The following ZNF804B variants were observed in gnomAD, a reference collection of about 807,000 sequenced individuals.
ZNF804B encodes the protein zinc finger 804B.
Under a neutral mutation model 101.4 loss-of-function variants are expected in ZNF804B, and 80 were observed. The observed-to-expected ratio is 0.79, with a 90% confidence interval of 0.66 to 0.95. The LOEUF (loss-of-function observed/expected upper bound fraction) is 0.95, where lower values mean the gene tolerates loss of function less well. ZNF804B is among the 40% of genes least tolerant of loss of function. The probability of loss-of-function intolerance (pLI) is 0.00; values close to 1 mark genes in which losing one functional copy is unlikely to be tolerated. For missense variants in ZNF804B, 1,673 were observed against 1,561.9 expected (o/e 1.07, Z -1.20); for synonymous variants, 622 against 558.8 (o/e 1.11, Z -1.59).
intron 1 of ZNF804B, among the ~76,000 whole-genome samples, chr7:88,764,600 G>A (rs918174476): frequency 6.6e-6 from 1 of 152,148 alleles, no homozygotes; most frequent in African/African-American, 2.4e-5. Flanking sequence ...AGTTCTAGAA[G>A]AGATGAACTA....
At chr7:89,027,302 A>G (rs907370848) in intron 1 of ZNF804B, among the ~76,000 whole-genome samples, 2 of 152,138 alleles carry the variant, frequency 1.3e-5, no homozygotes, top group African/African-American at 4.8e-5. Flanking sequence ...TAAAAATAAG[A>G]GTCCTTAAAG....
At chr7:89,035,193 C>T (rs2116237904) in intron 1 of ZNF804B, among the ~76,000 whole-genome samples, 1 of 151,906 alleles carries the variant, frequency 6.6e-6, no homozygotes, top group East Asian at 1.9e-4. Flanking sequence ...TTGAAAAGAC[C>T]CACCTGCTGA....
Position 88,842,014 on chromosome 7 carries a change from C to A in ZNF804B, c.108+81930C>A, listed in dbSNP as rs530742433. Among the ~76,000 whole-genome samples the A allele has an allele frequency of 1.3e-4, 20 of 152,298 alleles. No homozygotes were observed. The South Asian group carries it at 3.9e-3, about 30-fold the overall frequency. ...TTCACTGATTGAGATATGTCATAAT[C>A]TCAGCTATGCTCTGCTTTCTGATTG... is the stretch of plus-strand genomic sequence containing the variant. On this transcript the variant is annotated intron_variant, in intron 1 of 3. Transcript: ENST00000333190.
At chr7:89,076,924 A>G (rs990940064) in intron 1 of ZNF804B, among the ~76,000 whole-genome samples, 6 of 152,164 alleles carry the variant, frequency 3.9e-5, no homozygotes, top group Admixed American at 2.6e-4. Context: ...TGGGGAGAAG[A>G]ACACAGGGGT....
chr7:89,273,188 T>G (rs1279510630), intron 2 of ZNF804B, among the ~76,000 whole-genome samples: 1 of 152,058 alleles, frequency 6.6e-6, no homozygotes, highest in African/African-American at 2.4e-5. Flanking sequence ...AACCAGATTC[T>G]GAAACAAAAA....
rs546393336 is a variant in ZNF804B, at chr7:88,854,570, C to A, written c.108+94486C>A. ...TCCTTCCTTCCTTCCTTCCTTCCTT[C>A]CTTCCTTCCTTCCTTCCCTTTATTC... On this transcript the variant is annotated intron_variant, in intron 1 of 3. Coordinates refer to ENST00000333190, the MANE Select transcript of ZNF804B (RefSeq NM_181646.5). Among the ~76,000 whole-genome samples, 108 of 134,218 alleles carry A rather than the reference C, an allele frequency of 8.0e-4. 1 individual carries two copies. The highest frequency in any genetic ancestry group is 3.1e-3 in the African/African-American group (105 of 34,274). The allele number at this position is 134,218 out of a possible 152,430, so 88.1% of individuals were successfully genotyped here.
At chr7:89,152,253 C>CTTTTTTTTTTTTTTTTTTTTTTTTTTTT (rs71120063) in intron 1 of ZNF804B, among the ~76,000 whole-genome samples, 1 of 144,726 alleles carries the variant, frequency 6.9e-6, no homozygotes. Flanking sequence ...ATGGTTTTTT[C>CTTTTTTTTTTTTTTTTTTTTTTTTTTTT]TTTTTTTTTT....
intron 1 of ZNF804B, among the ~76,000 whole-genome samples, chr7:89,105,837 A>C (rs1583989414): frequency 6.6e-6 from 1 of 152,124 alleles, no homozygotes; most frequent in African/African-American, 2.4e-5. Context: ...AACCAGCTTC[A>C]TGTTGGGGTT....
intron 1 of ZNF804B, among the ~76,000 whole-genome samples, chr7:88,841,380 A>G (rs78029001): frequency 0.026 from 3,933 of 152,282 alleles, 131 homozygotes; most frequent in African/African-American, 0.072. Context: ...CAATCAATCT[A>G]TTAAGTAAGC....
At chr7:89,067,701 A>G (rs1789473833) in intron 1 of ZNF804B, among the ~76,000 whole-genome samples, 1 of 152,182 alleles carries the variant, frequency 6.6e-6, no homozygotes, top group Non-Finnish European at 1.5e-5. Flanking sequence ...GAAGCAGGTC[A>G]ATACCAGTAG....
chr7:88,803,148 T>C (rs1010429443), intron 1 of ZNF804B, among the ~76,000 whole-genome samples: 1 of 151,540 alleles, frequency 6.6e-6, no homozygotes, highest in Non-Finnish European at 1.5e-5. Context: ...GTCTATGTTA[T>C]TATGTTCAGA....
intron 1 of ZNF804B, among the ~76,000 whole-genome samples, chr7:89,075,228 A>G (rs937058233): frequency 3.3e-5 from 5 of 152,196 alleles, no homozygotes; most frequent in Non-Finnish European, 7.3e-5. Flanking sequence ...AAGACAGTGA[A>G]GAAAATGTCT....
At chr7:89,025,035 T>C (rs932446617) in intron 1 of ZNF804B, among the ~76,000 whole-genome samples, 10 of 152,098 alleles carry the variant, frequency 6.6e-5, no homozygotes, top group South Asian at 2.1e-4. Flanking sequence ...TTTGCTCACT[T>C]ATACCACTCC....
chr7:89,198,923 C>T lies in ZNF804B; in HGVS notation c.109-19232C>T, dbSNP rs150892611. 3.9e-3 allele frequency among the ~76,000 whole-genome samples: 585 copies of T among 151,944 alleles called. 2 individuals are homozygous for T. The highest frequency in any genetic ancestry group is 0.013 in the African/African-American group (536 of 41,504). On this transcript the variant is annotated intron_variant, in intron 1 of 3. Coordinates refer to ENST00000333190, the MANE Select transcript of ZNF804B (RefSeq NM_181646.5). ...ATGTTTAATGCAAAGAACATTATTT[C>T]TAACAAGTAACTTATCGGGAATATG... is the stretch of plus-strand genomic sequence containing the variant.
chr7:89,065,518 G>T (rs2116288303), intron 1 of ZNF804B, among the ~76,000 whole-genome samples: 1 of 152,228 alleles, frequency 6.6e-6, no homozygotes, highest in Non-Finnish European at 1.5e-5. Context: ...ACCTTGAAAG[G>T]GGCCCAGCAA....
Position 89,196,678 on chromosome 7 carries a change from G to C in ZNF804B, c.109-21477G>C, listed in dbSNP as rs371571615. Among the ~76,000 whole-genome samples the C allele has an allele frequency of 3.9e-5, 6 of 152,178 alleles. No individual in the cohort carries two copies. In the South Asian group the frequency reaches 1.0e-3, roughly 26 times the overall value. On this transcript the variant is annotated intron_variant, in intron 1 of 3. Coordinates refer to ENST00000333190, the MANE Select transcript of ZNF804B (RefSeq NM_181646.5). ...TATAGCAAAAGAAACTATCATCAGA[G>C]TGAACAGACAACCTACAAAATGGGA...
intron 2 of ZNF804B, among the ~76,000 whole-genome samples, chr7:89,321,563 A>AT (rs953710852): frequency 1.3e-5 from 2 of 152,150 alleles, no homozygotes; most frequent in African/African-American, 2.4e-5. Flanking sequence ...ACGTAACTAA[A>AT]TAATCAATAG....
chr7:88,845,301 G>GCGCA (rs1554339289), intron 1 of ZNF804B, among the ~76,000 whole-genome samples: 70 of 150,038 alleles, frequency 4.7e-4, no homozygotes, highest in Admixed American at 9.2e-4. Flanking sequence ...GCACGCGCGC[G>GCGCA]CACACACACA....
chr7:89,041,020 C>T (rs1232015140), intron 1 of ZNF804B, among the ~76,000 whole-genome samples: 2 of 152,016 alleles, frequency 1.3e-5, no homozygotes, highest in East Asian at 3.9e-4. Flanking sequence ...ATCTGTGGGG[C>T]CAGTCTTGTG....
Sources: gnomAD v4.1 joint callset for allele counts (sites outside exome capture counted in the v4.1 genomes callset) on GRCh38, gnomAD v4.1.1 for gene constraint, MANE v1.5 for transcripts, NCBI Gene and HGNC (gene_info 2026-07-23, HGNC 2026-07-21) for gene names.